RECK: variants seen among roughly 807,000 people sequenced by gnomAD.
The protein encoded by RECK is reversion inducing cysteine rich protein with kazal motifs, also known as reversion-inducing cysteine-rich protein with Kazal motifs.
In RECK, 69 loss-of-function variants were observed where a neutral mutation model predicts 115.1. The observed-to-expected ratio is 0.60, with a 90% confidence interval of 0.49 to 0.73. The LOEUF (loss-of-function observed/expected upper bound fraction) is 0.73, where lower values mean the gene tolerates loss of function less well. Among genes scored for constraint, RECK ranks in the 30% least tolerant of loss-of-function variants. RECK has a pLI of 0.00. For synonymous variants in RECK, 414 were observed against 419.7 expected, an observed-to-expected ratio of 0.99 and a Z score of 0.17; for missense variants, 1,047 against 1,203.7, an observed-to-expected ratio of 0.87 and a Z score of 1.93.
At position 36,117,152 on chromosome 9, in the gene RECK, G is replaced by A. The variant is rs1319812913; in HGVS notation, c.2228G>A (p.Ser743Asn). 3.1e-6 allele frequency: 5 copies of A among 1,612,530 alleles called. No homozygotes were observed. In the African/African-American group the frequency reaches 5.3e-5, roughly 17 times the overall value. ...NLCTLYQRGK[S>N]LSYKGPCQPF... ...TGCACTTTATACCAAAGAGGAAAAA[G>A]CCTCTCTTACAAAGGTCCCTGCCAG... The change falls in exon 17 of 21, where the codon AGC (serine) becomes AAC (asparagine). Residue 743 changes from serine to asparagine, a missense_variant. Physicochemically the swap from Ser to Asn is conservative, Grantham distance 46. Transcript: ENST00000377966.
Position 36,118,748 on chromosome 9 carries a change from T to C in RECK, c.2254-9T>C. 1 of 1,612,400 alleles carries C rather than the reference T, an allele frequency of 6.2e-7. No homozygotes were observed. On this transcript the variant is annotated splice_polypyrimidine_tract_variant and intron_variant, in intron 17 of 20. Transcript: ENST00000377966. ...ATTTCCAGGCTAAATGTGATTTGTT[T>C]GCCCTCAGCCCTTTTGCAGAGCAAC...
In RECK at chr9:36,094,378, TG is replaced by T. The variant is rs1301810382; in HGVS notation, c.1085+3036del. 6.6e-6 allele frequency among the ~76,000 whole-genome samples: 1 copy of T among 152,096 alleles called. No homozygotes were observed. The highest frequency in any genetic ancestry group is 1.5e-5 in the Non-Finnish European group (1 of 67,988). ...AAGTTTCTTACATTATTTGTGACATTGTATAGTATTAATTCAAGGAAAACTA... is the reference window on the plus strand; with the variant it reads ...AAGTTTCTTACATTATTTGTGACATTTATAGTATTAATTCAAGGAAAACTA... On this transcript the variant is annotated intron_variant, in intron 10 of 20. Transcript: ENST00000377966. This position sits in a 1 kb window ranked among gnomAD's most constrained non-coding sequence, Gnocchi z 4.1.
chr9:36,088,193 C>A (rs1217532463), intron 9 of RECK, among the ~76,000 whole-genome samples: 8 of 152,152 alleles, frequency 5.3e-5, no homozygotes, highest in Non-Finnish European at 1.0e-4. Flanking sequence ...GGAGGATTAG[C>A]ATTGGCAGGG....
chr9:36,100,590 T>G (rs1383241638), intron 11 of RECK, 47 bp downstream of exon 11: 5 of 1,404,352 alleles, frequency 3.6e-6, no homozygotes, highest in Non-Finnish European at 5.0e-6. Context: ...GTTCAGACCC[T>G]CCGTGATCTC....
intron 4 of RECK, among the ~76,000 whole-genome samples, chr9:36,060,562 C>T (rs750625887): frequency 6.6e-6 from 1 of 152,208 alleles, no homozygotes; most frequent in Non-Finnish European, 1.5e-5. Flanking sequence ...TTTCTCAGTA[C>T]TACTCTCTTT....
intron 1 of RECK, among the ~76,000 whole-genome samples, chr9:36,049,190 G>A (rs894082218): frequency 6.6e-6 from 1 of 152,162 alleles, no homozygotes; most frequent in African/African-American, 2.4e-5. Context: ...TGTTCAACCA[G>A]GAAAGCTCCA....
chr9:36,070,302 C>T (rs7852637), intron 6 of RECK, among the ~76,000 whole-genome samples: 83,130 of 151,864 alleles, frequency 0.55, 23,109 homozygotes, highest in East Asian at 0.79. Context: ...GGTCTTTACA[C>T]TAAAAGACCC....
Position 36,111,443 on chromosome 9 carries a change from G to C in RECK, c.1889-862G>C, listed in dbSNP as rs532213351. On this transcript the variant is annotated intron_variant, in intron 15 of 20. Coordinates refer to ENST00000377966, the MANE Select transcript of RECK (RefSeq NM_021111.3). ...AGCTTTGCTTTTGTTGCCCAGGCTG[G>C]AGTGCAATGGCGTGATCTCGGCTCA... Among the ~76,000 whole-genome samples, 23 of 152,266 alleles carry C rather than the reference G, an allele frequency of 1.5e-4. No homozygotes were observed. The South Asian group carries it at 4.6e-3, about 30-fold the overall frequency.
At position 36,037,021 on chromosome 9, in the gene RECK, T is replaced by A; in HGVS notation, c.23T>A (p.Leu8Gln). The A allele has an allele frequency of 7.0e-7, 1 of 1,431,034 alleles. No homozygotes were observed. Among genetic ancestry groups the A allele is most frequent in the Non-Finnish European group, 9.2e-7 (1 of 1,089,154 alleles). The allele number at this position is 1,431,034 out of a possible 1,614,324, so 88.6% of individuals were successfully genotyped here. A position where few individuals can be genotyped will look rare whatever the true frequency, so the allele number is the denominator to read the frequency against. MATVRASLRGALLLLLAV... is the reference protein window; with the variant it reads MATVRASQRGALLLLLAV... ...GACATGGCGACCGTCCGGGCCTCTC[T>A]GCGAGGTGCGCTGCTCCTTCTGCTG... Residue 8 changes from leucine to glutamine, a missense_variant, in exon 1 of 21, where the codon CTG (leucine) becomes CAG (glutamine). By Grantham distance (113) the Leu-to-Gln change is moderately radical (BLOSUM62 -2). Transcript: ENST00000377966.
rs568252236 is a variant in RECK at position 36,088,740 on chromosome 9, C to T, written c.905+779C>T. On this transcript the variant is annotated intron_variant, in intron 9 of 20. Transcript: ENST00000377966. ...CAAATTTTTTAAAAGACATGAAGGT[C>T]GGGCGCGGTGGCTCATGCCTGTAAT... Among the ~76,000 whole-genome samples, 32 of 152,290 alleles carry T rather than the reference C, an allele frequency of 2.1e-4. No individual in the cohort carries two copies. In the South Asian group the frequency reaches 2.5e-3, roughly 12 times the overall value.
intron 4 of RECK, among the ~76,000 whole-genome samples, chr9:36,062,751 T>TA (rs977526614): frequency 6.6e-6 from 1 of 152,174 alleles, no homozygotes; most frequent in Admixed American, 6.5e-5. Context: ...GTGCTGGGAT[T>TA]ACAGGTGGGA....
chr9:36,114,112 G>A (rs1824164164), intron 16 of RECK, among the ~76,000 whole-genome samples: 1 of 152,076 alleles, frequency 6.6e-6, no homozygotes, highest in African/African-American at 2.4e-5. Flanking sequence ...GAGATAGTGG[G>A]GATTGCTCTT....
In RECK at chr9:36,118,836, G is replaced by A. The variant is rs527977068; in HGVS notation, c.2333G>A (p.Arg778His). ...YSSVCAAYSD[R>H]VAVDYYGDCQ... ...AGTGTGTGTGCTGCCTACTCGGATC[G>A]CGTGGCAGTCGATTACTATGGGGAC... The change falls in exon 18 of 21, where the codon CGC becomes CAC. Residue 778 changes from arginine (R) to histidine (H), a missense_variant. Transcript: ENST00000377966. The A allele has an allele frequency of 1.4e-5, 22 of 1,613,964 alleles. No homozygotes were observed. The highest frequency in any genetic ancestry group is 4.0e-5 in the African/African-American group (3 of 74,912).
At chr9:36,081,707 GCC>G (rs1022476376) in intron 7 of RECK, among the ~76,000 whole-genome samples, 1 of 151,972 alleles carries the variant, frequency 6.6e-6, no homozygotes, top group African/African-American at 2.4e-5. Flanking sequence ...GGTGGCACGT[GCC>G]TGTAATCCCA....
chr9:36,080,526 T>C, intron 6 of RECK, 79 bp from the exon 7 acceptor site: 1 of 1,130,078 alleles, frequency 8.8e-7, no homozygotes. Flanking sequence ...ATGATTTCCA[T>C]GTAACCATAA....
chr9:36,120,719 C>G lies in RECK; in HGVS notation c.2521C>G (p.Leu841Val). Residue 841 changes from leucine (L) to valine (V), a missense_variant, in exon 19 of 21, where the codon CTG becomes GTG. Leu to Val is a conservative substitution (Grantham distance 32). Coordinates refer to ENST00000377966, the MANE Select transcript of RECK (RefSeq NM_021111.3). Reference sequence around the variant, plus strand: ...AAGAGTTTTATTTGACAAAGAAAAACTGGATACTATTGCTAAGGTAAATTG... The same window carrying G: ...AAGAGTTTTATTTGACAAAGAAAAAGTGGATACTATTGCTAAGGTAAATTG... ...MLRVLFDKEK[L>V]DTIAKVTNKK... is the part of the protein sequence containing the mutation. 1 of 1,609,980 alleles carries G rather than the reference C, an allele frequency of 6.2e-7. No homozygotes were observed. The highest frequency in any genetic ancestry group is 8.5e-7 in the Non-Finnish European group (1 of 1,176,244).
At chr9:36,068,302 A>G (rs1822090939) in intron 6 of RECK, among the ~76,000 whole-genome samples, 1 of 152,228 alleles carries the variant, frequency 6.6e-6, no homozygotes, top group African/African-American at 2.4e-5. Context: ...TCAAAGGCAG[A>G]ATCCATCAGC....
chr9:36,040,478 T>C (rs1409980645), intron 1 of RECK, among the ~76,000 whole-genome samples: 2 of 152,180 alleles, frequency 1.3e-5, no homozygotes, highest in Non-Finnish European at 2.9e-5. Context: ...CAACAGAGTA[T>C]GCTAGGGCTA....
intron 16 of RECK, among the ~76,000 whole-genome samples, chr9:36,114,842 C>T (rs57962854): frequency 3.1e-4 from 45 of 145,296 alleles, no homozygotes; most frequent in African/African-American, 1.1e-3. Context: ...AAGACTCCAT[C>T]TAAAAACAAA....
Sources: gnomAD v4.1 joint callset for allele counts (sites outside exome capture counted in the v4.1 genomes callset) on GRCh38, gnomAD v4.1.1 for gene constraint, Gnocchi (gnomAD v3.1) non-coding constraint, MANE v1.5 for transcripts, NCBI Gene and HGNC (gene_info 2026-07-23, HGNC 2026-07-21) for gene names.